TMEM117: variants seen among roughly 807,000 people sequenced by gnomAD.
TMEM117 encodes transmembrane protein 117.
A neutral mutation model predicts 52.4 loss-of-function variants in TMEM117; 27 were observed. That is an observed-to-expected ratio of 0.51 (90% CI 0.38 to 0.71). The LOEUF is 0.71. Ranked by LOEUF, TMEM117 falls within the 30% of genes least tolerant of loss-of-function variation. The pLI is 0.00. For synonymous variants in TMEM117, 215 were observed against 206.3 expected (o/e 1.04, Z -0.36); for missense variants, 556 against 630.5 (o/e 0.88, Z 1.26).
chr12:43,818,550 C>T, the TMEM117 span, among the ~76,000 whole-genome samples: 2 of 151,984 alleles, frequency 1.3e-5, no homozygotes, highest in Non-Finnish European at 2.9e-5. Context: ...AAGCAATTCT[C>T]CTGCCTCAGC....
chr12:44,178,806 G>A (rs1949150512), intron 4 of TMEM117, among the ~76,000 whole-genome samples: 1 of 152,154 alleles, frequency 6.6e-6, no homozygotes, highest in Admixed American at 6.5e-5. Flanking sequence ...GGGATAATGT[G>A]TATAAATTGC....
intron 3 of TMEM117, among the ~76,000 whole-genome samples, chr12:44,063,045 A>G (rs191303243): frequency 3.1e-4 from 47 of 152,268 alleles, no homozygotes; most frequent in African/African-American, 5.5e-4. Flanking sequence ...GAGACACACA[A>G]TGTCTTCTCA....
At chr12:44,269,241 T>G (rs923551558) in intron 5 of TMEM117, among the ~76,000 whole-genome samples, 3 of 152,058 alleles carry the variant, frequency 2.0e-5, no homozygotes, top group Admixed American at 1.3e-4. Context: ...AAAATTCAAG[T>G]AACACCAAAA....
intron 3 of TMEM117, among the ~76,000 whole-genome samples, chr12:44,113,995 T>C (rs1948085145): frequency 6.8e-6 from 1 of 146,010 alleles, no homozygotes; most frequent in Non-Finnish European, 1.5e-5. Context: ...CACCCCTTTC[T>C]TTGACTCGGA....
chr12:44,015,379 A>G (rs945996359), intron 3 of TMEM117, among the ~76,000 whole-genome samples: 2 of 152,204 alleles, frequency 1.3e-5, no homozygotes, highest in Non-Finnish European at 1.5e-5. Context: ...TATATCTATA[A>G]TATACTCAAA....
At chr12:44,152,212 T>C (rs1206283025) in intron 4 of TMEM117, among the ~76,000 whole-genome samples, 1 of 109,756 alleles carries the variant, frequency 9.1e-6, no homozygotes, top group Admixed American at 1.2e-4. Context: ...ATTATATTTA[T>C]ATTATATATT....
intron 3 of TMEM117, among the ~76,000 whole-genome samples, chr12:44,042,480 A>G (rs1946815093): frequency 6.6e-6 from 1 of 152,098 alleles, no homozygotes. Context: ...AAAGAGATTA[A>G]CATTTGAGTC....
At chr12:44,255,343 A>C (rs1160698880) in intron 5 of TMEM117, among the ~76,000 whole-genome samples, 1 of 152,162 alleles carries the variant, frequency 6.6e-6, no homozygotes, top group Non-Finnish European at 1.5e-5. Flanking sequence ...ACACTTCTCA[A>C]AAGAAGACAT....
chr12:44,207,558 A>T (rs1949585971), intron 4 of TMEM117, among the ~76,000 whole-genome samples: 1 of 152,066 alleles, frequency 6.6e-6, no homozygotes, highest in South Asian at 2.1e-4. Context: ...TGTCTTTATC[A>T]TTTTCTAATA....
chr12:44,269,061 A>G (rs1950415540), intron 5 of TMEM117, among the ~76,000 whole-genome samples: 1 of 152,026 alleles, frequency 6.6e-6, no homozygotes, highest in Non-Finnish European at 1.5e-5. Context: ...TTCACTCAAC[A>G]TTACATTTAA....
At chr12:44,263,330 A>G (rs1950341867) in intron 5 of TMEM117, 1 of 152,236 alleles carries the variant, frequency 6.6e-6, no homozygotes, top group South Asian at 2.1e-4. Flanking sequence ...TAGAATGGTG[A>G]TCATTAAAAA....
chr12:44,311,859 ATATATATGTATATATATG>A (rs1565701808), intron 6 of TMEM117, among the ~76,000 whole-genome samples: 3 of 110,480 alleles, frequency 2.7e-5, no homozygotes, highest in African/African-American at 1.1e-4. Flanking sequence ...GTATATATGT[ATATATATGTATATATATG>A]TATATATGTA....
At chr12:44,044,842 A>G (rs1274513888) in intron 3 of TMEM117, among the ~76,000 whole-genome samples, 2 of 152,230 alleles carry the variant, frequency 1.3e-5, no homozygotes, top group Non-Finnish European at 2.9e-5. Flanking sequence ...TTTGCATGAA[A>G]GGAGAAATGG....
chr12:44,032,789 C>T (rs995344447), intron 3 of TMEM117, among the ~76,000 whole-genome samples: 1 of 152,098 alleles, frequency 6.6e-6, no homozygotes, highest in Non-Finnish European at 1.5e-5. Context: ...ATACAAGAGA[C>T]CCTAATAGTG....
At chr12:44,060,105 G>A (rs1018937705) in intron 3 of TMEM117, among the ~76,000 whole-genome samples, 2 of 152,288 alleles carry the variant, frequency 1.3e-5, no homozygotes, top group East Asian at 3.9e-4. Context: ...ACATGCAACA[G>A]TAGTATCTAC....
chr12:44,007,499 G>A (rs1946218151), intron 3 of TMEM117, among the ~76,000 whole-genome samples: 1 of 151,918 alleles, frequency 6.6e-6, no homozygotes, highest in Admixed American at 6.6e-5. Context: ...AAGAAAAAAA[G>A]TGAGTTTCTT....
intron 2 of TMEM117, among the ~76,000 whole-genome samples, chr12:43,924,759 C>G (rs1480276121): frequency 6.6e-6 from 1 of 152,048 alleles, no homozygotes; most frequent in African/African-American, 2.4e-5. Flanking sequence ...TTATAGAGCA[C>G]AAAGTTATTT....
At chr12:44,031,088 G>A (rs528373727) in intron 3 of TMEM117, among the ~76,000 whole-genome samples, 1 of 152,228 alleles carries the variant, frequency 6.6e-6, no homozygotes, top group South Asian at 2.1e-4. Context: ...CATCAATAAT[G>A]CACTAATGCA....
intron 5 of TMEM117, among the ~76,000 whole-genome samples, chr12:44,284,680 T>A (rs562312120): frequency 6.6e-6 from 1 of 152,200 alleles, no homozygotes; most frequent in South Asian, 2.1e-4. Context: ...GGATGAACAT[T>A]TTCCACCTCA....
Sources: allele counts gnomAD v4.1 joint callset (sites outside exome capture counted in the v4.1 genomes callset), GRCh38; gene constraint gnomAD v4.1.1; transcripts MANE v1.5; gene names NCBI Gene and HGNC (gene_info 2026-07-23, HGNC 2026-07-21).